DGKH: variants seen among roughly 807,000 people sequenced by gnomAD.
DGKH encodes diacylglycerol kinase eta, also known as DAG kinase eta.
A neutral mutation model predicts 159.3 loss-of-function variants in DGKH; 90 were observed. The observed-to-expected ratio is 0.57, with a 90% CI of 0.48 to 0.67. The LOEUF is 0.67. DGKH is among the 30% of genes least tolerant of loss of function. The pLI is 0.00. For missense variants in DGKH, 1,181 were observed against 1,506.1 expected, an observed-to-expected ratio of 0.78 and a Z score of 3.57; for synonymous variants, 536 against 553.8, an observed-to-expected ratio of 0.97 and a Z score of 0.45.
intron 3 of DGKH, among the ~76,000 whole-genome samples, chr13:42,135,490 A>AG (rs1277604360): frequency 2.3e-5 from 3 of 129,672 alleles, no homozygotes; most frequent in East Asian, 5.6e-4. Flanking sequence ...ACCCTGTCTC[A>AG]GAAAAAAAAA....
chr13:42,236,742 T>A lies in DGKH; in HGVS notation c.*7554T>A, dbSNP rs238346. 152,292 of 152,412 alleles carry A rather than the reference T, an allele frequency of 1. 76,086 individuals are homozygous for A. Among genetic ancestry groups the A allele is most frequent in the Middle Eastern group, 1 (294 of 294 alleles). The allele number at this position is 152,412 out of a possible 1,614,324, so 9.4% of individuals were successfully genotyped here. On this transcript the variant is annotated 3_prime_UTR_variant, in exon 30 of 30. Transcript: ENST00000337343. ...GGAGTTTGAGACCAGCCTGGCCAACTTAATACAAAAATTAGCCAGGTGTGG... is the reference window on the plus strand; with the variant it reads ...GGAGTTTGAGACCAGCCTGGCCAACATAATACAAAAATTAGCCAGGTGTGG...
At chr13:42,256,391 G>T in exon 31 of DGKH, 1 of 1,581,856 alleles carries the variant, frequency 6.3e-7, no homozygotes, top group South Asian at 1.1e-5. Context: ...TCCTCGTATA[G>T]CGTATGACAA....
intron 15 of DGKH, among the ~76,000 whole-genome samples, chr13:42,190,082 GC>G (rs1235106659): frequency 6.6e-6 from 1 of 152,050 alleles, no homozygotes; most frequent in East Asian, 1.9e-4. Context: ...CAGAATTTTA[GC>G]TATAGTCTAA....
chr13:42,220,204 A>G (rs915929689), intron 28 of DGKH, among the ~76,000 whole-genome samples: 1 of 152,228 alleles, frequency 6.6e-6, no homozygotes, highest in Non-Finnish European at 1.5e-5. Context: ...GATTACTTTG[A>G]TAAATGGAAC....
chr13:42,127,634 T>G, intron 2 of DGKH, 61 bp downstream of exon 2: 1 of 1,376,388 alleles, frequency 7.3e-7, no homozygotes, highest in Non-Finnish European at 1.0e-6. Context: ...AAAATTTTGG[T>G]TCTGTAAGCT....
At chr13:42,221,067 A>C in intron 28 of DGKH, 197 bp from the exon 29 acceptor site, 2 of 608,266 alleles carry the variant, frequency 3.3e-6, no homozygotes, top group Non-Finnish European at 5.3e-6. Flanking sequence ...GGTTTTGTAT[A>C]GTCGGATCCT....
At chr13:42,099,001 A>G (rs1954601067) in intron 1 of DGKH, among the ~76,000 whole-genome samples, 2 of 152,236 alleles carry the variant, frequency 1.3e-5, no homozygotes, top group Admixed American at 1.3e-4. Flanking sequence ...TAATTGCAAT[A>G]GAAGGTCAGA....
At chr13:42,097,163 G>A (rs1391307783) in intron 1 of DGKH, among the ~76,000 whole-genome samples, 2 of 152,072 alleles carry the variant, frequency 1.3e-5, no homozygotes, top group Non-Finnish European at 2.9e-5. Flanking sequence ...CCATTGTGTG[G>A]GCTTTTTGTA....
chr13:42,112,613 A>G (rs1192979469), intron 1 of DGKH, among the ~76,000 whole-genome samples: 6 of 152,236 alleles, frequency 3.9e-5, no homozygotes. Context: ...GCTTGAGAAC[A>G]ACTACTCCTG....
At position 42,206,106 on chromosome 13, in the gene DGKH, C is replaced by A; in HGVS notation, c.2561C>A (p.Ala854Asp). ...GIAVLNIPSY[A>D]GGTNFWGGTK... ...GCCGTGTTGAACATTCCCAGCTATG[C>A]TGGAGGCACTAACTTTTGGGGTGGA... The change falls in exon 21 of 30, where the codon GCT becomes GAT. Residue 854 changes from alanine (A) to aspartate (D), a missense_variant. Around this residue, in one of 5 missense-constraint regions of DGKH, gnomAD observed 335 missense variants for 495.2 expected, o/e 0.68. Coordinates refer to ENST00000337343, the MANE Select transcript of DGKH (RefSeq NM_178009.5). 6.9e-7 allele frequency: 1 copy of A among 1,458,754 alleles called. No individual in the cohort carries two copies. The highest frequency in any genetic ancestry group is 1.6e-5 in the South Asian group (1 of 64,130). 90.4% of individuals were successfully genotyped at this position (1,458,754 alleles called of 1,614,324 possible).
chr13:42,152,538 A>G (rs967341521), intron 3 of DGKH, among the ~76,000 whole-genome samples: 11 of 150,358 alleles, frequency 7.3e-5, no homozygotes, highest in African/African-American at 2.7e-4. Context: ...ATCACATAAT[A>G]AGATACCCCA....
intron 24 of DGKH, among the ~76,000 whole-genome samples, chr13:42,211,237 A>T (rs1957650585): frequency 6.6e-6 from 1 of 152,104 alleles, no homozygotes; most frequent in African/African-American, 2.4e-5. Context: ...CCAGTGTCTT[A>T]CCTCCTCACC....
intron 1 of DGKH, among the ~76,000 whole-genome samples, chr13:42,062,351 T>C (rs904529138): frequency 6.6e-5 from 10 of 152,306 alleles, no homozygotes; most frequent in African/African-American, 2.4e-4. Context: ...CCACACTGTG[T>C]ATTAAGCTTA....
At chr13:42,070,932 G>C (rs1382936736) in intron 1 of DGKH, 4 of 1,286,610 alleles carry the variant, frequency 3.1e-6, no homozygotes, top group Non-Finnish European at 4.5e-6. Context: ...TCTGGGGATT[G>C]GTAAGGACAA....
chr13:42,067,488 A>G (rs576412150), intron 1 of DGKH, among the ~76,000 whole-genome samples: 1 of 152,296 alleles, frequency 6.6e-6, no homozygotes, highest in African/African-American at 2.4e-5. Flanking sequence ...CCAAGCACAT[A>G]TCTGGCTTTG....
At chr13:42,163,504 C>T (rs1274933726) in intron 7 of DGKH, among the ~76,000 whole-genome samples, 1 of 152,078 alleles carries the variant, frequency 6.6e-6, no homozygotes, top group Non-Finnish European at 1.5e-5. Context: ...CCTATTTCTC[C>T]ACATCCTCTC....
At chr13:42,162,307 T>TC (rs1363576479) in intron 7 of DGKH, among the ~76,000 whole-genome samples, 4 of 151,196 alleles carry the variant, frequency 2.6e-5, no homozygotes, top group Admixed American at 6.5e-5. Context: ...GGTCAGGAGT[T>TC]CGAGACCAGC....
chr13:42,222,580 A>G (rs1958007201), intron 29 of DGKH, among the ~76,000 whole-genome samples: 1 of 152,208 alleles, frequency 6.6e-6, no homozygotes, highest in South Asian at 2.1e-4. Context: ...CAAGCTTGAA[A>G]TGAGTCCACA....
chr13:42,125,933 G>A (rs2137836862), intron 1 of DGKH, among the ~76,000 whole-genome samples: 1 of 152,180 alleles, frequency 6.6e-6, no homozygotes, highest in East Asian at 1.9e-4. Context: ...TAAAAATTTT[G>A]GTTCTACAAG....
Sources: allele counts gnomAD v4.1 joint callset (sites outside exome capture counted in the v4.1 genomes callset), GRCh38; gene constraint gnomAD v4.1.1; regional missense constraint gnomAD v4.1.1; transcripts MANE v1.5; gene names NCBI Gene and HGNC (gene_info 2026-07-23, HGNC 2026-07-21).